HCRTR2: variants seen among roughly 807,000 people sequenced by gnomAD.
The protein encoded by HCRTR2 is hypocretin receptor 2, also known as orexin receptor type 2.
Under a neutral mutation model 49.0 loss-of-function variants are expected in HCRTR2, and 22 were observed. That is an observed-to-expected ratio of 0.45 (90% CI 0.32 to 0.64). HCRTR2 has a LOEUF of 0.64. Ranked by LOEUF, HCRTR2 falls within the 30% of genes least tolerant of loss-of-function variation. The pLI is 0.04. For missense variants in HCRTR2, 491 were observed against 559.4 expected (o/e 0.88, Z 1.23); for synonymous variants, 236 against 205.3 (o/e 1.15, Z -1.28).
chr6:55,229,033 T>C (rs7771240), intron 1 of HCRTR2, among the ~76,000 whole-genome samples: 50,183 of 151,820 alleles, frequency 0.33, 8,843 homozygotes, highest in African/African-American at 0.45. Context: ...TGGTGGGATG[T>C]TAAAAGGAGG....
chr6:55,133,445 A>T (rs1472695597), intron 1 of HCRTR2, among the ~76,000 whole-genome samples: 2 of 148,476 alleles, frequency 1.3e-5, no homozygotes, highest in African/African-American at 5.0e-5. Flanking sequence ...GTATGCATCA[A>T]GTTAGGAATA....
chr6:55,181,509 G>A (rs1765133506), intron 1 of HCRTR2, among the ~76,000 whole-genome samples: 2 of 152,052 alleles, frequency 1.3e-5, no homozygotes. Context: ...CAAGTAATTT[G>A]CCTTCAATAC....
chr6:55,109,370 G>A (rs4712092), intron 1 of HCRTR2, among the ~76,000 whole-genome samples: 84,015 of 151,918 alleles, frequency 0.55, 24,119 homozygotes, highest in East Asian at 0.84. Flanking sequence ...AAACCAAGAT[G>A]AAGTATCTGA....
chr6:55,249,475 G>A (rs551542486), intron 2 of HCRTR2, among the ~76,000 whole-genome samples: 83 of 152,196 alleles, frequency 5.5e-4, no homozygotes, highest in South Asian at 1.0e-3. Context: ...TAATTTAAAT[G>A]AGATCTACCT....
chr6:55,135,347 T>A (rs11970116), intron 1 of HCRTR2, among the ~76,000 whole-genome samples: 33,959 of 152,064 alleles, frequency 0.22, 4,718 homozygotes, highest in Non-Finnish European at 0.31. Flanking sequence ...AAATGTGGTC[T>A]CCCATGAAAA....
chr6:55,200,592 CT>C (rs1765496385), intron 1 of HCRTR2, among the ~76,000 whole-genome samples: 1 of 152,074 alleles, frequency 6.6e-6, no homozygotes, highest in African/African-American at 2.4e-5. Flanking sequence ...TCCACTGTTC[CT>C]TCTTCTTCTG....
At chr6:55,127,103 C>A (rs538758973) in intron 1 of HCRTR2, among the ~76,000 whole-genome samples, 1 of 151,938 alleles carries the variant, frequency 6.6e-6, no homozygotes, top group African/African-American at 2.4e-5. Flanking sequence ...ACATTCCAGG[C>A]GCCACTGGGG....
intron 1 of HCRTR2, among the ~76,000 whole-genome samples, chr6:55,201,043 G>A (rs978087135): frequency 3.3e-5 from 5 of 152,018 alleles, no homozygotes; most frequent in Admixed American, 6.6e-5. Flanking sequence ...ACATTCATGG[G>A]TAGAGAAAGA....
At chr6:55,191,448 A>G (rs1213113516) in intron 1 of HCRTR2, among the ~76,000 whole-genome samples, 2 of 152,176 alleles carry the variant, frequency 1.3e-5, no homozygotes, top group African/African-American at 2.4e-5. Context: ...ATCTATACAC[A>G]TATTGCTATA....
chr6:55,186,544 G>A lies in HCRTR2; in HGVS notation c.223+11734G>A, dbSNP rs112351815. Among the ~76,000 whole-genome samples the A allele has an allele frequency of 2.3e-3, 348 of 152,218 alleles. 3 individuals carry two copies. Among genetic ancestry groups the A allele is most frequent in the African/African-American group, 7.5e-3 (313 of 41,536 alleles). On this transcript the variant is annotated intron_variant, in intron 1 of 6. Transcript: ENST00000370862. ...AAGCAAAATGAAATTTACAAATTTG[G>A]TAGCTTTTTGTTCTTTTGTTTTCTC...
intron 1 of HCRTR2, among the ~76,000 whole-genome samples, chr6:55,118,854 G>A (rs1299683895): frequency 6.6e-6 from 1 of 151,530 alleles, no homozygotes; most frequent in African/African-American, 2.4e-5. Flanking sequence ...TTCTTACATA[G>A]GTATGCACAT....
chr6:55,234,371 A>G (rs9475208), intron 1 of HCRTR2, among the ~76,000 whole-genome samples: 50,199 of 151,964 alleles, frequency 0.33, 8,844 homozygotes, highest in African/African-American at 0.45. Flanking sequence ...ACAATTTAAG[A>G]AAAAATAGGC....
chr6:55,138,209 G>A (rs1464275261), intron 1 of HCRTR2, among the ~76,000 whole-genome samples: 3 of 151,282 alleles, frequency 2.0e-5, no homozygotes, highest in Non-Finnish European at 4.4e-5. Context: ...AGATAGAATA[G>A]TTAATTTTTT....
chr6:55,265,308 G>T (rs1020675645), intron 4 of HCRTR2, among the ~76,000 whole-genome samples: 42 of 151,934 alleles, frequency 2.8e-4, no homozygotes, highest in Non-Finnish European at 1.9e-4. Context: ...ACCTATTATT[G>T]TATCTGTCAG....
chr6:55,172,579 G>A (rs1017422075), upstream of HCRTR2, among the ~76,000 whole-genome samples: 42 of 152,074 alleles, frequency 2.8e-4, no homozygotes, highest in Admixed American at 1.6e-3. Flanking sequence ...CTCATAAAAT[G>A]TGATATCTAT....
chr6:55,228,122 C>T (rs1392279972), intron 1 of HCRTR2, among the ~76,000 whole-genome samples: 1 of 152,006 alleles, frequency 6.6e-6, no homozygotes. Context: ...TGATGAATAA[C>T]AGAACCTCAG....
chr6:55,121,885 G>C (rs930879549), intron 1 of HCRTR2, among the ~76,000 whole-genome samples: 1 of 151,998 alleles, frequency 6.6e-6, no homozygotes, highest in Non-Finnish European at 1.5e-5. Flanking sequence ...GAGGATTTTT[G>C]CATCGATGTT....
At chr6:55,269,047 G>T (rs1437357128) in intron 4 of HCRTR2, among the ~76,000 whole-genome samples, 5 of 141,460 alleles carry the variant, frequency 3.5e-5, no homozygotes, top group Non-Finnish European at 6.0e-5. Context: ...CAGAGATCGT[G>T]CCACTGCACT....
intron 1 of HCRTR2, among the ~76,000 whole-genome samples, chr6:55,191,189 A>G (rs1263842685): frequency 6.6e-6 from 1 of 152,224 alleles, no homozygotes; most frequent in Non-Finnish European, 1.5e-5. Context: ...ATTAAATTTA[A>G]AGTAGAGTTA....
Sources: gnomAD v4.1 joint callset for allele counts (sites outside exome capture counted in the v4.1 genomes callset) on GRCh38, gnomAD v4.1.1 for gene constraint, MANE v1.5 for transcripts, NCBI Gene and HGNC (gene_info 2026-07-23, HGNC 2026-07-21) for gene names.